Variants in TPRG1 observed in about 807,000 individuals in gnomAD.
TPRG1 encodes tumor protein p63 regulated 1.
A neutral mutation model predicts 29.3 loss-of-function variants in TPRG1; 29 were observed. That is an observed-to-expected ratio of 0.99 (90% confidence interval 0.74 to 1.35). The LOEUF is 1.35. TPRG1 is among the 40% of genes most tolerant of loss of function. The pLI, the probability that TPRG1 is intolerant of heterozygous loss-of-function variation, is 0.00. For missense variants in TPRG1, 327 were observed against 335.0 expected, an observed-to-expected ratio of 0.98 and a Z score of 0.19; for synonymous variants, 130 against 116.8, an observed-to-expected ratio of 1.11 and a Z score of -0.73.
At chr3:189,245,724 C>G (rs965214243) in intron 4 of TPRG1, among the ~76,000 whole-genome samples, 1 of 151,956 alleles carries the variant, frequency 6.6e-6, no homozygotes, top group African/African-American at 2.4e-5. Context: ...TATATTTTTA[C>G]TGATTTTTTG....
intron 4 of TPRG1, among the ~76,000 whole-genome samples, chr3:189,244,582 GA>G (rs755929554): frequency 1.3e-5 from 2 of 152,058 alleles, no homozygotes; most frequent in Non-Finnish European, 2.9e-5. Flanking sequence ...AGAAAGTGGG[GA>G]GATGCTACAC....
chr3:189,043,314 A>G (rs1393464369), intron 4 of TPRG1, among the ~76,000 whole-genome samples: 1 of 152,180 alleles, frequency 6.6e-6, no homozygotes, highest in Non-Finnish European at 1.5e-5. Context: ...AGGGTATTGC[A>G]AAGACCCTGA....
intron 4 of TPRG1, among the ~76,000 whole-genome samples, chr3:189,074,362 C>T (rs558971482): frequency 6.6e-6 from 1 of 151,874 alleles, no homozygotes; most frequent in East Asian, 1.9e-4. Flanking sequence ...CCCGCCACTA[C>T]GCCCGGCTAA....
rs113474973 is a variant in TPRG1, at chr3:189,266,883, GT to G, written c.479+27984del. 2.8e-4 allele frequency among the ~76,000 whole-genome samples: 41 copies of G among 148,648 alleles called. 1 individual carries two copies. Among genetic ancestry groups the G allele is most frequent in the East Asian group, 3.9e-4 (2 of 5,092 alleles). On this transcript the variant is annotated intron_variant, in intron 4 of 5. Transcript: ENST00000345063. ...TACCGTCATTATGCATTTTCCTTGT[GT>G]TTTTTTTTTCCCCTTTATGCTAACT...
chr3:189,119,589 A>G (rs1206622841), intron 1 of TPRG1, among the ~76,000 whole-genome samples: 1 of 152,192 alleles, frequency 6.6e-6, no homozygotes, highest in African/African-American at 2.4e-5. Flanking sequence ...AGTGGGAGGT[A>G]ATGAAATCAC....
At chr3:189,064,092 A>G (rs1048339627) in intron 4 of TPRG1, among the ~76,000 whole-genome samples, 3 of 152,168 alleles carry the variant, frequency 2.0e-5, no homozygotes, top group Non-Finnish European at 4.4e-5. Flanking sequence ...AGTTTTGTCT[A>G]TTACAGAGAC....
chr3:189,048,076 A>T (rs1339352677), intron 4 of TPRG1, among the ~76,000 whole-genome samples: 10 of 152,254 alleles, frequency 6.6e-5, no homozygotes, highest in Admixed American at 6.5e-4. Context: ...CTTTAGCCAG[A>T]TACAGCAGAA....
At chr3:189,127,350 A>C (rs1722603917) in intron 2 of TPRG1, 1 of 152,210 alleles carries the variant, frequency 6.6e-6, no homozygotes, top group Non-Finnish European at 1.5e-5. Context: ...CTGGGATCCT[A>C]AAAGGCAAGA....
chr3:189,076,514 T>C (rs1437356908), intron 4 of TPRG1, among the ~76,000 whole-genome samples: 1 of 152,032 alleles, frequency 6.6e-6, no homozygotes, highest in Non-Finnish European at 1.5e-5. Flanking sequence ...ATATGTGTAT[T>C]ATCTGTCACT....
chr3:189,230,136 G>T (rs1255676222), intron 3 of TPRG1, among the ~76,000 whole-genome samples: 1 of 152,202 alleles, frequency 6.6e-6, no homozygotes, highest in Non-Finnish European at 1.5e-5. Context: ...CTATTCAGTG[G>T]TCTTGTGGGA....
chr3:189,239,313 C>T (rs1162715443), intron 4 of TPRG1, among the ~76,000 whole-genome samples: 1 of 152,072 alleles, frequency 6.6e-6, no homozygotes, highest in Non-Finnish European at 1.5e-5. Flanking sequence ...GAGACTTATT[C>T]ACTATCAAGA....
intron 2 of TPRG1, chr3:189,212,011 C>CTTT (rs386398854): frequency 2.6e-5 from 4 of 151,356 alleles, no homozygotes; most frequent in Admixed American, 2.0e-4. Context: ...TTATGATAAT[C>CTTT]TTGGTTGTGG....
At chr3:189,095,679 G>A (rs1173477963), upstream of TPRG1, among the ~76,000 whole-genome samples, 3 of 152,168 alleles carry the variant, frequency 2.0e-5, no homozygotes, top group East Asian at 5.8e-4. Context: ...TCCCCTGAAT[G>A]TCTTGTTCAT....
rs185507369 is a variant in TPRG1 at position 189,049,770 on chromosome 3, A to G, written c.-463+25824A>G. Among the ~76,000 whole-genome samples, 666 of 152,308 alleles carry G rather than the reference A, an allele frequency of 4.4e-3. 11 individuals are homozygous for G. Among genetic ancestry groups the G allele is most frequent in the African/African-American group, 0.015 (642 of 41,560 alleles). On this transcript the variant is annotated intron_variant, in intron 4 of 10. Coordinates refer to the TPRG1 transcript ENST00000433971. ...TGCACCTTCTGCCACCTCCACCAGA[A>G]AAGGTGCTGGTATCCATGACTGAGA...
At chr3:189,075,355 G>T (rs1463317664) in intron 4 of TPRG1, among the ~76,000 whole-genome samples, 2 of 151,150 alleles carry the variant, frequency 1.3e-5, no homozygotes, top group Non-Finnish European at 3.0e-5. Flanking sequence ...GGCTGTTCTC[G>T]AACTCCTGAC....
intron 1 of TPRG1, among the ~76,000 whole-genome samples, chr3:189,126,305 C>T (rs1007366986): frequency 7.9e-5 from 12 of 152,228 alleles, no homozygotes; most frequent in Non-Finnish European, 7.4e-5. Context: ...TAAAAAAATA[C>T]CACTCTGCTT....
intron 1 of TPRG1, among the ~76,000 whole-genome samples, chr3:189,199,578 G>A (rs538232096): frequency 3.3e-5 from 5 of 152,288 alleles, no homozygotes; most frequent in East Asian, 1.9e-4. Context: ...GATGGCTTAC[G>A]CCTGTAATCC....
At chr3:189,249,798 T>A (rs142226015) in intron 4 of TPRG1, among the ~76,000 whole-genome samples, 25 of 152,152 alleles carry the variant, frequency 1.6e-4, no homozygotes, top group African/African-American at 6.0e-4. Context: ...GATGTAAACT[T>A]CCCATTTACA....
intron 4 of TPRG1, among the ~76,000 whole-genome samples, chr3:189,070,419 T>A (rs1263508573): frequency 6.7e-6 from 1 of 148,510 alleles, no homozygotes; most frequent in East Asian, 2.0e-4. Context: ...CACTCATGAA[T>A]GTGCATAAAA....
Sources: allele counts gnomAD v4.1 joint callset (sites outside exome capture counted in the v4.1 genomes callset), GRCh38; gene constraint gnomAD v4.1.1; transcripts MANE v1.5; gene names NCBI Gene and HGNC (gene_info 2026-07-23, HGNC 2026-07-21).